The following EXT1 variants were observed in gnomAD, a reference collection of about 807,000 sequenced individuals.
EXT1 encodes exostosin glycosyltransferase 1, also known as exostosin-1.
EXT1 carries 20 observed loss-of-function variants against 82.5 expected under a neutral mutation model. The observed-to-expected ratio is 0.24, with a 90% CI of 0.17 to 0.35. The LOEUF (loss-of-function observed/expected upper bound fraction) is 0.35. Among genes scored for constraint, EXT1 ranks in the 10% least tolerant of loss-of-function variants. The probability of loss-of-function intolerance (pLI) is 1.00; values close to 1 mark genes in which losing one functional copy is unlikely to be tolerated. For missense variants in EXT1, 757 were observed against 936.5 expected (o/e 0.81, Z 2.50); for synonymous variants, 348 against 350.8 (o/e 0.99, Z 0.09).
At chr8:117,945,730 T>C (rs1293554558) in intron 1 of EXT1, among the ~76,000 whole-genome samples, 1 of 152,134 alleles carries the variant, frequency 6.6e-6, no homozygotes, top group Non-Finnish European at 1.5e-5. Flanking sequence ...CTCAAACTCC[T>C]GACCTCAAAT....
At chr8:117,820,424 C>A (rs1028507012) in intron 5 of EXT1, among the ~76,000 whole-genome samples, 2 of 152,114 alleles carry the variant, frequency 1.3e-5, no homozygotes, top group Non-Finnish European at 2.9e-5. Context: ...CACGGTGGCT[C>A]ACACGTGTGA....
intron 1 of EXT1, among the ~76,000 whole-genome samples, chr8:118,075,442 C>T (rs1251362685): frequency 6.6e-6 from 1 of 152,118 alleles, no homozygotes; most frequent in East Asian, 1.9e-4. Context: ...AATGAGGGGA[C>T]GCTGCACCCT....
At chr8:117,944,234 A>C (rs1224539227) in intron 1 of EXT1, among the ~76,000 whole-genome samples, 1 of 152,154 alleles carries the variant, frequency 6.6e-6, no homozygotes, top group Non-Finnish European at 1.5e-5. Flanking sequence ...CGTCTCTACA[A>C]AAAAATACAA....
intron 1 of EXT1, among the ~76,000 whole-genome samples, chr8:117,933,908 C>T (rs1490045729): frequency 6.6e-6 from 1 of 152,146 alleles, no homozygotes. Context: ...TGCTGTCCAG[C>T]CTTGCTCCAC....
intron 1 of EXT1, among the ~76,000 whole-genome samples, chr8:118,088,983 G>C (rs1817477014): frequency 6.6e-6 from 1 of 152,208 alleles, no homozygotes; most frequent in African/African-American, 2.4e-5. Context: ...GAATCTCAGA[G>C]TAGTCTTGAT....
chr8:117,950,869 C>A (rs971219655), intron 1 of EXT1, among the ~76,000 whole-genome samples: 1 of 152,124 alleles, frequency 6.6e-6, no homozygotes, highest in Admixed American at 6.6e-5. Context: ...AACAGGTGGA[C>A]TGTACTGGCT....
intron 3 of EXT1, among the ~76,000 whole-genome samples, chr8:117,830,866 A>G (rs1812088512): frequency 6.6e-6 from 1 of 152,074 alleles, no homozygotes; most frequent in African/African-American, 2.4e-5. Context: ...CATACCTTCT[A>G]CCTCACCTTT....
At chr8:117,950,915 T>C (rs1169666444) in intron 1 of EXT1, among the ~76,000 whole-genome samples, 1 of 152,220 alleles carries the variant, frequency 6.6e-6, no homozygotes, top group Non-Finnish European at 1.5e-5. Context: ...CAAAAATTTT[T>C]TTTTTAAAAG....
At chr8:118,010,812 T>C (rs1170345925) in intron 1 of EXT1, among the ~76,000 whole-genome samples, 1 of 152,234 alleles carries the variant, frequency 6.6e-6, no homozygotes, top group Non-Finnish European at 1.5e-5. Context: ...TTCCTCACTC[T>C]ACCCCATCTC....
intron 1 of EXT1, among the ~76,000 whole-genome samples, chr8:117,933,867 C>A (rs879411741): frequency 1.2e-4 from 18 of 152,162 alleles, no homozygotes; most frequent in Non-Finnish European, 2.2e-4. Context: ...CAAGTCCAGA[C>A]GCCTGCTCAC....
At chr8:117,844,735 C>T (rs1419076353) in intron 1 of EXT1, among the ~76,000 whole-genome samples, 2 of 152,156 alleles carry the variant, frequency 1.3e-5, no homozygotes, top group Non-Finnish European at 2.9e-5. Context: ...CACAAATGAG[C>T]TGCTATAGTA....
chr8:118,103,693 A>G (rs75274583), intron 1 of EXT1, among the ~76,000 whole-genome samples: 2 of 152,152 alleles, frequency 1.3e-5, no homozygotes, highest in Non-Finnish European at 2.9e-5. Flanking sequence ...GGATGCTATC[A>G]GTAGGGGAAA....
At chr8:118,089,667 A>G (rs1027434745) in intron 1 of EXT1, among the ~76,000 whole-genome samples, 1 of 152,214 alleles carries the variant, frequency 6.6e-6, no homozygotes, top group African/African-American at 2.4e-5. Flanking sequence ...TTTTTAACAC[A>G]TTCGCCAGAT....
chr8:118,109,696 T>C (rs1330677820), intron 1 of EXT1, among the ~76,000 whole-genome samples: 2 of 152,128 alleles, frequency 1.3e-5, no homozygotes, highest in Admixed American at 6.5e-5. Context: ...CTCTGGACTT[T>C]GGGTAGATCA....
chr8:117,918,975 T>A (rs1813805302), intron 1 of EXT1, among the ~76,000 whole-genome samples: 1 of 142,302 alleles, frequency 7.0e-6, no homozygotes, highest in Non-Finnish European at 1.6e-5. Flanking sequence ...AAAAAAAAAA[T>A]CTACTGTTAG....
intron 1 of EXT1, among the ~76,000 whole-genome samples, chr8:117,874,787 C>T (rs1812938443): frequency 6.6e-6 from 1 of 152,052 alleles, no homozygotes; most frequent in Non-Finnish European, 1.5e-5. Flanking sequence ...TAAATATATT[C>T]CTTTTCCATC....
chr8:117,887,094 C>T (rs1813158995), intron 1 of EXT1, among the ~76,000 whole-genome samples: 1 of 152,112 alleles, frequency 6.6e-6, no homozygotes, highest in East Asian at 1.9e-4. Flanking sequence ...ACCAAGAAAG[C>T]TTTCTTGTCA....
intron 1 of EXT1, among the ~76,000 whole-genome samples, chr8:117,856,166 C>T (rs1257943859): frequency 1.3e-5 from 2 of 152,080 alleles, no homozygotes; most frequent in East Asian, 1.9e-4. Flanking sequence ...AGCTTTATTG[C>T]TGATTTGGAA....
At chr8:117,843,210 C>G (rs980999268) in intron 1 of EXT1, among the ~76,000 whole-genome samples, 3 of 152,190 alleles carry the variant, frequency 2.0e-5, no homozygotes, top group African/African-American at 4.8e-5. Context: ...CCTCCTTGCG[C>G]CTTTTTCATT....
Sources: allele counts gnomAD v4.1 joint callset (sites outside exome capture counted in the v4.1 genomes callset), GRCh38; gene constraint gnomAD v4.1.1; transcripts MANE v1.5; gene names NCBI Gene and HGNC (gene_info 2026-07-23, HGNC 2026-07-21).